GNG2: variants seen among roughly 807,000 people sequenced by gnomAD.
The protein encoded by GNG2 is G protein subunit gamma 2, also known as guanine nucleotide-binding protein G(I)/G(S)/G(O) subunit gamma-2.
In GNG2, 5 loss-of-function variants were observed where a neutral mutation model predicts 5.5. The ratio of observed to expected loss-of-function variants is 0.91; its 90% CI spans 0.48 to 1.92. The LOEUF (loss-of-function observed/expected upper bound fraction) is 1.92, where lower values mean the gene tolerates loss of function less well. GNG2 is among the 30% of genes most tolerant of loss of function. The pLI is 0.01. For synonymous variants in GNG2, 28 were observed against 32.0 expected (o/e 0.88, Z 0.42); for missense variants, 55 against 88.4 (o/e 0.62, Z 1.52).
intron 2 of GNG2, among the ~76,000 whole-genome samples, chr14:51,927,014 C>A (rs1296553469): frequency 6.6e-6 from 1 of 152,136 alleles, no homozygotes; most frequent in Non-Finnish European, 1.5e-5. Flanking sequence ...ATTACTTATC[C>A]GAAGCTGATG....
chr14:51,893,785 A>G (rs1451012809), intron 2 of GNG2, among the ~76,000 whole-genome samples: 1 of 152,142 alleles, frequency 6.6e-6, no homozygotes, highest in Non-Finnish European at 1.5e-5. Flanking sequence ...GATGTGAGCT[A>G]TAAATATGTT....
chr14:51,948,074 G>A (rs1018830669), intron 2 of GNG2, among the ~76,000 whole-genome samples: 7 of 152,216 alleles, frequency 4.6e-5, no homozygotes, highest in Non-Finnish European at 7.3e-5. Flanking sequence ...TCCCAGGCCA[G>A]TAGCAGGAGG....
intron 3 of GNG2, among the ~76,000 whole-genome samples, chr14:51,953,209 T>C (rs1194659804): frequency 6.6e-6 from 1 of 152,230 alleles, no homozygotes; most frequent in Non-Finnish European, 1.5e-5. Context: ...GGATTTTTGC[T>C]GTTTGTTCAG....
chr14:51,937,437 C>T (rs562041542), intron 2 of GNG2, among the ~76,000 whole-genome samples: 1 of 151,938 alleles, frequency 6.6e-6, no homozygotes, highest in African/African-American at 2.4e-5. Flanking sequence ...TATTTCCTTC[C>T]CTGCATGATA....
intron 2 of GNG2, among the ~76,000 whole-genome samples, chr14:51,933,738 G>A (rs77624857): frequency 6.6e-6 from 1 of 152,332 alleles, no homozygotes; most frequent in African/African-American, 2.4e-5. Context: ...CAGAGCTTAT[G>A]CAGACAGAAA....
intron 2 of GNG2, among the ~76,000 whole-genome samples, chr14:51,890,400 A>T (rs1310954870): frequency 2.6e-5 from 4 of 152,206 alleles, no homozygotes; most frequent in Admixed American, 2.0e-4. Context: ...TTTAAATCTT[A>T]AAGTGAAAGA....
At chr14:51,885,683 C>T (rs1884411094) in intron 2 of GNG2, among the ~76,000 whole-genome samples, 2 of 152,132 alleles carry the variant, frequency 1.3e-5, no homozygotes, top group South Asian at 2.1e-4. Flanking sequence ...CTTAAAAGAC[C>T]TTTACAGATT....
chr14:51,880,967 G>GAAAAAAAAAAAAAAAAAAAA (rs11463019), intron 2 of GNG2, among the ~76,000 whole-genome samples: 7 of 101,976 alleles, frequency 6.9e-5, no homozygotes, highest in Non-Finnish European at 9.3e-5. Context: ...CAAAAAAAAA[G>GAAAAAAAAAAAAAAAAAAAA]AAAAAAAAAA....
chr14:51,865,073 G>A (rs901910784), intron 1 of GNG2, among the ~76,000 whole-genome samples: 5 of 152,150 alleles, frequency 3.3e-5, no homozygotes, highest in Admixed American at 6.5e-5. Flanking sequence ...TGAGCTTTAC[G>A]ATGTGGGGTC....
chr14:51,854,260 T>C (rs1017833565), intron 2 of GNG2, among the ~76,000 whole-genome samples: 1 of 152,178 alleles, frequency 6.6e-6, no homozygotes, highest in African/African-American at 2.4e-5. Context: ...GTTTTTATGG[T>C]AGTAACACAT....
At chr14:51,893,438 T>C (rs1884988688) in intron 2 of GNG2, among the ~76,000 whole-genome samples, 1 of 152,230 alleles carries the variant, frequency 6.6e-6, no homozygotes, top group African/African-American at 2.4e-5. Context: ...ATAAGGTTAT[T>C]TGACTCTTCC....
intron 2 of GNG2, among the ~76,000 whole-genome samples, chr14:51,854,496 T>A (rs9646150): frequency 0.29 from 43,900 of 151,918 alleles, 7,994 homozygotes; most frequent in Non-Finnish European, 0.41. Context: ...GGCTCTTTTT[T>A]AAATTTTTTC....
upstream of GNG2, among the ~76,000 whole-genome samples, chr14:51,858,928 C>G (rs375882440): frequency 1.7e-4 from 26 of 152,236 alleles, no homozygotes; most frequent in African/African-American, 5.3e-4. Context: ...AAAAAATAAG[C>G]AAACTGTTCA....
At chr14:51,847,539 C>G (rs926159862) in intron 2 of GNG2, among the ~76,000 whole-genome samples, 5 of 151,604 alleles carry the variant, frequency 3.3e-5, no homozygotes, top group Non-Finnish European at 7.4e-5. Flanking sequence ...CATCCTGGAG[C>G]TGAAGGTAGT....
intron 2 of GNG2, among the ~76,000 whole-genome samples, chr14:51,831,984 T>C (rs79503838): frequency 1.3e-5 from 2 of 152,146 alleles, no homozygotes; most frequent in African/African-American, 4.8e-5. Context: ...TTTTAACTCA[T>C]TAAAATGATG....
Position 51,967,034 on chromosome 14 carries a change from GAGGTA to G in GNG2, c.*350_*354del, listed in dbSNP as rs1364775103. ...AACAATTAAAACAGACAGCTGTACTGAGGTAAGATATGTGTGACCTTCTTGGAATG... is the reference window on the plus strand; with the variant it reads ...AACAATTAAAACAGACAGCTGTACTGAGATATGTGTGACCTTCTTGGAATG... On this transcript the variant is annotated 3_prime_UTR_variant, in exon 4 of 4. Transcript: ENST00000556766. 1 of 149,516 alleles carries G rather than the reference GAGGTA, an allele frequency of 6.7e-6. No individual in the cohort carries two copies. Among genetic ancestry groups the G allele is most frequent in the African/African-American group, 2.8e-5 (1 of 35,358 alleles). The allele number at this position is 149,516 out of a possible 1,614,324, so 9.3% of individuals were successfully genotyped here. A position where few individuals can be genotyped will look rare whatever the true frequency, so the allele number is the denominator to read the frequency against.
At chr14:51,859,207 GT>G (rs1291951486), upstream of GNG2, among the ~76,000 whole-genome samples, 1 of 152,170 alleles carries the variant, frequency 6.6e-6, no homozygotes, top group Non-Finnish European at 1.5e-5. Context: ...GAGAAGAGGT[GT>G]TTTTTGTTGT....
intron 2 of GNG2, among the ~76,000 whole-genome samples, chr14:51,929,734 A>C (rs1887542126): frequency 6.6e-6 from 1 of 152,134 alleles, no homozygotes; most frequent in Non-Finnish European, 1.5e-5. Flanking sequence ...TTGCCACAGG[A>C]GCTTTCTTGA....
In GNG2 at chr14:51,966,231, A is replaced by AAAAAAAAAAAAAAAG. The variant is rs61013183; in HGVS notation, c.88-322_88-321insAAAAAAAAGAAAAAA. Among the ~76,000 whole-genome samples, 33 of 108,576 alleles carry AAAAAAAAAAAAAAAG rather than the reference A, an allele frequency of 3.0e-4. 3 individuals carry two copies. The highest frequency in any genetic ancestry group is 4.6e-4 in the Non-Finnish European group (23 of 50,208). The allele number at this position is 108,576 out of a possible 152,430, so 71.2% of individuals were successfully genotyped here. On this transcript the variant is annotated intron_variant, in intron 3 of 3. Coordinates refer to ENST00000556766, the MANE Select transcript of GNG2 (RefSeq NM_053064.5). ...TCTCAAAAAAAAAAAAAAAAAAAAAAAAAAAACAAATGAAGGAGACAGCCA... is the reference window on the plus strand; with the variant it reads ...TCTCAAAAAAAAAAAAAAAAAAAAAAAAAAAAAAAAAAAAGAAAAAACAAATGAAGGAGACAGCCA...
Sources: gnomAD v4.1 joint callset for allele counts (sites outside exome capture counted in the v4.1 genomes callset) on GRCh38, gnomAD v4.1.1 for gene constraint, MANE v1.5 for transcripts, NCBI Gene and HGNC (gene_info 2026-07-23, HGNC 2026-07-21) for gene names.